Variants in FOXP2 observed in about 807,000 individuals in gnomAD.
FOXP2 encodes the protein forkhead box P2, also known as forkhead box protein P2.
In FOXP2, 12 loss-of-function variants were observed where a neutral mutation model predicts 115.8. That is an observed-to-expected ratio of 0.10 (90% CI 0.07 to 0.17). FOXP2 has a LOEUF of 0.17. FOXP2 is among the 10% of genes least tolerant of loss of function. FOXP2 has a pLI of 1.00. For synonymous variants in FOXP2, 328 were observed against 297.7 expected (o/e 1.10, Z -1.05); for missense variants, 629 against 843.5 (o/e 0.75, Z 3.15).
intron 2 of FOXP2, among the ~76,000 whole-genome samples, chr7:114,529,682 A>G (rs1386504066): frequency 2.0e-5 from 3 of 151,858 alleles, no homozygotes; most frequent in African/African-American, 4.8e-5. Flanking sequence ...ATTATGTATC[A>G]GGCATGAAAA....
chr7:114,100,336 T>C (rs894748273), intron 1 of FOXP2, among the ~76,000 whole-genome samples: 9 of 152,172 alleles, frequency 5.9e-5, no homozygotes, highest in Non-Finnish European at 1.0e-4. Flanking sequence ...GAAGTTTTCC[T>C]TTAAAATGTT....
intron 6 of FOXP2, among the ~76,000 whole-genome samples, 194 bp from the exon 7 acceptor site, chr7:114,642,216 T>G (rs751298841): frequency 9.2e-5 from 14 of 152,256 alleles, no homozygotes; most frequent in Non-Finnish European, 1.2e-4. Context: ...TTGGTACTCT[T>G]TAGAAAATAA....
chr7:114,226,311 G>A (rs576815759), intron 1 of FOXP2, among the ~76,000 whole-genome samples: 1 of 152,230 alleles, frequency 6.6e-6, no homozygotes, highest in East Asian at 1.9e-4. Context: ...TGACTCACAG[G>A]AACATACTGT....
rs115859384 is a variant in FOXP2 at position 114,350,573 on chromosome 7, C to T, written c.-11+62464C>T. Among the ~76,000 whole-genome samples, 854 of 152,194 alleles carry T rather than the reference C, an allele frequency of 5.6e-3. 5 individuals carry two copies. The highest frequency in any genetic ancestry group is 0.019 in the African/African-American group (808 of 41,532). ...GATCCCTTGATTGATTAATCCCCCTCACATAAGAGCCTCAGCTGCTGTTTC... is the reference window on the plus strand; with the variant it reads ...GATCCCTTGATTGATTAATCCCCCTTACATAAGAGCCTCAGCTGCTGTTTC... On this transcript the variant is annotated intron_variant, in intron 2 of 17. Transcript: ENST00000634411.
At chr7:114,221,399 A>T (rs867052142) in intron 1 of FOXP2, among the ~76,000 whole-genome samples, 2 of 152,204 alleles carry the variant, frequency 1.3e-5, no homozygotes, top group Non-Finnish European at 2.9e-5. Flanking sequence ...CATGGCCTAG[A>T]AACAAATAAG....
At chr7:114,159,692 G>GA (rs11453151), upstream of FOXP2, among the ~76,000 whole-genome samples, 131,684 of 152,080 alleles carry the variant, frequency 0.87, 57,419 homozygotes, top group Non-Finnish European at 0.92. Flanking sequence ...ACGATCACTG[G>GA]ATTATAGTTC....
intron 1 of FOXP2, among the ~76,000 whole-genome samples, chr7:114,171,752 A>G (rs977149368): frequency 4.6e-5 from 7 of 152,180 alleles, no homozygotes; most frequent in African/African-American, 1.4e-4. Flanking sequence ...TGTACCTGCT[A>G]TAGGTAGTAG....
At chr7:114,163,435 T>G (rs1202516748) in intron 1 of FOXP2, among the ~76,000 whole-genome samples, 1 of 152,122 alleles carries the variant, frequency 6.6e-6, no homozygotes, top group Non-Finnish European at 1.5e-5. Context: ...AAACTTTGTT[T>G]TTTTTTCTTT....
chr7:114,496,513 T>C (rs17312994), intron 2 of FOXP2, among the ~76,000 whole-genome samples: 2,898 of 152,226 alleles, frequency 0.019, 39 homozygotes, highest in Non-Finnish European at 0.03. Context: ...TATTTACTGA[T>C]AAAACTAGCA....
At chr7:114,254,931 C>T (rs1795566424) in intron 1 of FOXP2, among the ~76,000 whole-genome samples, 1 of 152,130 alleles carries the variant, frequency 6.6e-6, no homozygotes, top group African/African-American at 2.4e-5. Flanking sequence ...TTTTATCTAC[C>T]TTTGTTCTTT....
chr7:114,562,031 C>G (rs1207938986), intron 3 of FOXP2, among the ~76,000 whole-genome samples: 3 of 152,066 alleles, frequency 2.0e-5, no homozygotes, highest in African/African-American at 7.2e-5. Context: ...TCTCTTGCAC[C>G]ATACTCTCTT....
chr7:114,250,933 C>A (rs183908127), intron 1 of FOXP2, among the ~76,000 whole-genome samples: 40 of 152,236 alleles, frequency 2.6e-4, no homozygotes, highest in Non-Finnish European at 4.3e-4. Flanking sequence ...GGTTTTAAGT[C>A]TAACATTTAA....
intron 2 of FOXP2, among the ~76,000 whole-genome samples, chr7:114,471,732 C>A (rs189367953): frequency 6.6e-6 from 1 of 151,304 alleles, no homozygotes; most frequent in Non-Finnish European, 1.5e-5. Context: ...GGCGGATCAC[C>A]TAAGGTCAGG....
chr7:114,091,404 G>A (rs1490557846), intron 1 of FOXP2, among the ~76,000 whole-genome samples: 1 of 151,856 alleles, frequency 6.6e-6, no homozygotes, highest in African/African-American at 2.4e-5. Context: ...TAATATTCAT[G>A]AAAGCTAGTT....
intron 2 of FOXP2, among the ~76,000 whole-genome samples, chr7:114,303,038 G>A (rs745337540): frequency 6.6e-6 from 1 of 152,170 alleles, no homozygotes. Context: ...AGATGACTCA[G>A]CTAAGCTATG....
chr7:114,328,492 TCCCAGAGTGCTGGGATTACAGGCGTGAG>T (rs1425516025), intron 2 of FOXP2, among the ~76,000 whole-genome samples: 1 of 152,090 alleles, frequency 6.6e-6, no homozygotes, highest in Non-Finnish European at 1.5e-5. Flanking sequence ...TGCCTCGGCC[TCCCAGAGTGCTGGGATTACAGGCGTGAG>T]CCACCGCGCC....
At chr7:114,154,494 C>T (rs915003023) in intron 1 of FOXP2, among the ~76,000 whole-genome samples, 1 of 151,884 alleles carries the variant, frequency 6.6e-6, no homozygotes, top group Non-Finnish European at 1.5e-5. Context: ...ACTTGTTGTG[C>T]CTTTTTGAGA....
chr7:114,565,647 A>G (rs754632379), intron 3 of FOXP2, among the ~76,000 whole-genome samples: 5 of 152,186 alleles, frequency 3.3e-5, no homozygotes, highest in Non-Finnish European at 7.3e-5. Flanking sequence ...AAATAAAAGC[A>G]TAACTTTTTA....
intron 2 of FOXP2, among the ~76,000 whole-genome samples, chr7:114,497,931 A>G (rs990782153): frequency 3.3e-5 from 5 of 151,920 alleles, no homozygotes; most frequent in East Asian, 1.9e-4. Flanking sequence ...AGATTAAAAA[A>G]CTCAGCACTG....
Sources: gnomAD v4.1 joint callset for allele counts (sites outside exome capture counted in the v4.1 genomes callset) on GRCh38, gnomAD v4.1.1 for gene constraint, MANE v1.5 for transcripts, NCBI Gene and HGNC (gene_info 2026-07-23, HGNC 2026-07-21) for gene names.